The following KIAA1328 variants were observed in gnomAD, a reference collection of about 807,000 sequenced individuals.
KIAA1328 encodes KIAA1328, also known as protein hinderin.
KIAA1328 carries 52 observed loss-of-function variants against 68.1 expected under a neutral mutation model. The observed-to-expected ratio is 0.76, with a 90% CI of 0.61 to 0.96. The LOEUF is 0.96. Among genes scored for constraint, KIAA1328 ranks in the 40% least tolerant of loss-of-function variants. The probability of loss-of-function intolerance (pLI) is 0.00; values close to 1 mark genes in which losing one functional copy is unlikely to be tolerated. For missense variants in KIAA1328, 641 were observed against 677.6 expected (o/e 0.95, Z 0.60); for synonymous variants, 232 against 239.4 (o/e 0.97, Z 0.28).
chr18:37,043,145 T>C (rs779857455), intron 6 of KIAA1328, among the ~76,000 whole-genome samples: 1 of 152,232 alleles, frequency 6.6e-6, no homozygotes, highest in Non-Finnish European at 1.5e-5. Flanking sequence ...ATTGTTGTAC[T>C]TACCTTTAAT....
intron 7 of KIAA1328, among the ~76,000 whole-genome samples, chr18:37,138,996 G>A (rs58903450): frequency 0.16 from 19,561 of 124,960 alleles, 1,671 homozygotes; most frequent in Middle Eastern, 0.25. Context: ...TCGCTGTGTC[G>A]CCCAGGCTGG....
rs925224952 is a variant in KIAA1328, at chr18:37,108,873, C to T, written c.1232+41328C>T. ...ATACATGTTACATGTTGGTTTGCTG[C>T]ACCCAACAACTCATCATTTACATTA... On this transcript the variant is annotated intron_variant, in intron 7 of 9. Coordinates refer to ENST00000280020, the MANE Select transcript of KIAA1328 (RefSeq NM_020776.3). 1.1e-4 allele frequency among the ~76,000 whole-genome samples: 17 copies of T among 152,244 alleles called. 1 individual carries two copies. Among genetic ancestry groups the T allele is most frequent in the African/African-American group, 3.9e-4 (16 of 41,542 alleles).
chr18:36,854,571 A>G (rs934006635), intron 4 of KIAA1328, among the ~76,000 whole-genome samples: 7 of 152,186 alleles, frequency 4.6e-5, no homozygotes, highest in Admixed American at 2.0e-4. Context: ...CATTTGTTGT[A>G]GGACGGGTCT....
chr18:37,019,936 A>G (rs73419006), intron 6 of KIAA1328, among the ~76,000 whole-genome samples: 4,945 of 152,244 alleles, frequency 0.032, 282 homozygotes, highest in African/African-American at 0.11. Flanking sequence ...TTCCTGTACC[A>G]GGATGTTCAC....
At chr18:37,155,650 G>C (rs1252729593) in intron 7 of KIAA1328, among the ~76,000 whole-genome samples, 2 of 152,060 alleles carry the variant, frequency 1.3e-5, no homozygotes, top group Admixed American at 1.3e-4. Context: ...CATAAATTCT[G>C]GTTGGATCAT....
chr18:37,123,299 A>T (rs1357171081), intron 7 of KIAA1328, among the ~76,000 whole-genome samples: 1 of 152,206 alleles, frequency 6.6e-6, no homozygotes, highest in East Asian at 1.9e-4. Flanking sequence ...CAACCAGTAG[A>T]GTTGTCATGT....
At chr18:37,208,196 C>T (rs148061882) in intron 9 of KIAA1328, among the ~76,000 whole-genome samples, 252 of 152,242 alleles carry the variant, frequency 1.7e-3, no homozygotes, top group Non-Finnish European at 2.8e-3. Flanking sequence ...TCCCTCCTCC[C>T]CCTACATTGG....
chr18:37,030,733 G>T (rs2054790725), intron 6 of KIAA1328, among the ~76,000 whole-genome samples: 1 of 152,180 alleles, frequency 6.6e-6, no homozygotes, highest in South Asian at 2.1e-4. Flanking sequence ...TGCACAACGT[G>T]CAGGTTTGTT....
chr18:37,006,307 A>C (rs2053780690), intron 6 of KIAA1328, among the ~76,000 whole-genome samples: 1 of 152,112 alleles, frequency 6.6e-6, no homozygotes, highest in Admixed American at 6.6e-5. Flanking sequence ...AGAATTAAGA[A>C]AAGTAGATTT....
chr18:36,855,330 TTATTA>T (rs1233993890), intron 4 of KIAA1328, among the ~76,000 whole-genome samples: 2 of 152,224 alleles, frequency 1.3e-5, no homozygotes, highest in African/African-American at 4.8e-5. Flanking sequence ...TATTTTCCAC[TTATTA>T]TATTATAGCT....
intron 5 of KIAA1328, chr18:36,895,775 T>G (rs940896152): frequency 2.2e-6 from 1 of 456,036 alleles, no homozygotes; most frequent in African/African-American, 2.0e-5. Context: ...TAGGAGGCAA[T>G]TAAGGTTAAA....
chr18:36,986,355 A>T (rs1256763527), intron 6 of KIAA1328, among the ~76,000 whole-genome samples: 2 of 151,908 alleles, frequency 1.3e-5, no homozygotes, highest in East Asian at 1.9e-4. Context: ...AAAGATTTAA[A>T]CGTTAGACCT....
chr18:36,935,357 A>G (rs1259135695), intron 5 of KIAA1328, among the ~76,000 whole-genome samples: 1 of 152,230 alleles, frequency 6.6e-6, no homozygotes, highest in African/African-American at 2.4e-5. Flanking sequence ...ACTTAATAAA[A>G]CAGCATATTT....
intron 7 of KIAA1328, among the ~76,000 whole-genome samples, chr18:37,115,822 T>A (rs1465010970): frequency 6.6e-6 from 1 of 152,170 alleles, no homozygotes; most frequent in Non-Finnish European, 1.5e-5. Flanking sequence ...AAAGTCTCAG[T>A]ATACAAAATG....
At chr18:36,997,778 A>G (rs2053446212) in intron 6 of KIAA1328, among the ~76,000 whole-genome samples, 1 of 152,164 alleles carries the variant, frequency 6.6e-6, no homozygotes, top group African/African-American at 2.4e-5. Flanking sequence ...CACAGCAGCC[A>G]GTGCTGGTAA....
intron 7 of KIAA1328, among the ~76,000 whole-genome samples, chr18:37,134,219 T>C (rs1599383946): frequency 6.6e-6 from 1 of 152,048 alleles, no homozygotes; most frequent in African/African-American, 2.4e-5. Context: ...CACCATGTTG[T>C]CCAGGCTGGT....
At chr18:36,988,911 C>T (rs568961586) in intron 6 of KIAA1328, among the ~76,000 whole-genome samples, 5 of 152,202 alleles carry the variant, frequency 3.3e-5, no homozygotes, top group African/African-American at 1.2e-4. Context: ...GATGAATATA[C>T]CTAATACATT....
At chr18:37,183,665 C>G in intron 9 of KIAA1328, among the ~76,000 whole-genome samples, 1 of 152,134 alleles carries the variant, frequency 6.6e-6, no homozygotes, top group East Asian at 1.9e-4. Context: ...ACTAAGAAGC[C>G]CTTAAAGAAC....
chr18:36,830,574 A>G (rs1373231615), intron 1 of KIAA1328, among the ~76,000 whole-genome samples: 3 of 152,058 alleles, frequency 2.0e-5, no homozygotes, highest in Non-Finnish European at 4.4e-5. Context: ...TATAGAATCA[A>G]TGGTTTGGGG....
Sources: allele counts gnomAD v4.1 joint callset (sites outside exome capture counted in the v4.1 genomes callset), GRCh38; gene constraint gnomAD v4.1.1; transcripts MANE v1.5; gene names NCBI Gene and HGNC (gene_info 2026-07-23, HGNC 2026-07-21).